Variants in F2 observed in about 807,000 individuals in gnomAD.
F2 encodes the protein coagulation factor II, thrombin.
Under a neutral mutation model 81.9 loss-of-function variants are expected in F2, and 34 were observed. The ratio of observed to expected loss-of-function variants is 0.42; its 90% CI spans 0.32 to 0.55. The LOEUF (loss-of-function observed/expected upper bound fraction) is 0.55, where lower values mean the gene tolerates loss of function less well. F2 is among the 20% of genes least tolerant of loss of function. F2 has a pLI of 0.18. For synonymous variants in F2, 296 were observed against 326.4 expected (o/e 0.91, Z 1.01); for missense variants, 630 against 833.4 (o/e 0.76, Z 3.00).
Position 46,719,481 on chromosome 11 carries a change from G to C in F2, c.79+167G>C. ...AGGAGCTCAGGGCTGGAAAGAGAAT[G>C]GCTGCTTCTCTCTTCCAATATAGGG... On this transcript the variant is annotated intron_variant, in intron 1 of 13. Coordinates refer to ENST00000311907, the MANE Select transcript of F2 (RefSeq NM_000506.5). The surrounding 1 kb of genome is among the most constrained non-coding windows in gnomAD (Gnocchi z 4.7). The C allele has an allele frequency of 2.0e-6, 2 of 978,418 alleles. No individual in the cohort carries two copies. The highest frequency in any genetic ancestry group is 3.1e-6 in the Non-Finnish European group (2 of 640,686). 60.6% of individuals were successfully genotyped at this position (978,418 alleles called of 1,614,324 possible). A position where few individuals can be genotyped will look rare whatever the true frequency, so the allele number is the denominator to read the frequency against.
Position 46,723,595 on chromosome 11 carries a change from C to T in F2, c.559+77C>T, listed in dbSNP as rs1272166830. On this transcript the variant is annotated intron_variant, in intron 6 of 13. Transcript: ENST00000311907. This position sits in a 1 kb window ranked among gnomAD's most constrained non-coding sequence, Gnocchi z 5.6. ...GGGCCTGGCAGCCTGGGATGGGAAC[C>T]AAGAATACTGGCTACCCAGGCACAG... 3.3e-6 allele frequency: 5 copies of T among 1,519,928 alleles called. No homozygotes were observed. The highest frequency in any genetic ancestry group is 4.5e-6 in the Non-Finnish European group (5 of 1,120,624). The allele number at this position is 1,519,928 out of a possible 1,614,324, so 94.2% of individuals were successfully genotyped here.
intron 12 of F2, among the ~76,000 whole-genome samples, chr11:46,736,523 C>G (rs1337032572): frequency 1.3e-5 from 2 of 152,052 alleles, no homozygotes; most frequent in Admixed American, 1.3e-4. Flanking sequence ...GTCTCGAACT[C>G]CTGGGCTCAA....
chr11:46,725,733 C>G, intron 6 of F2, 126 bp from the exon 7 acceptor site: 1 of 1,100,560 alleles, frequency 9.1e-7, no homozygotes, highest in Non-Finnish European at 1.4e-6. Context: ...GTCAGAAGCC[C>G]AGAGAGGTTA....
chr11:46,723,094 C>A lies in F2; in HGVS notation c.317-86C>A. ...GTTCAGGATTGTGGACCTGCATGAG[C>A]TGGGAGGTGGGGGATAGACAACTTT... is the stretch of plus-strand genomic sequence containing the variant. On this transcript the variant is annotated intron_variant, in intron 4 of 13. Coordinates refer to ENST00000311907, the MANE Select transcript of F2 (RefSeq NM_000506.5). The surrounding 1 kb of genome is among the most constrained non-coding windows in gnomAD (Gnocchi z 5.6). 9.0e-7 allele frequency: 1 copy of A among 1,109,782 alleles called. No homozygotes were observed. 68.7% of individuals were successfully genotyped at this position (1,109,782 alleles called of 1,614,324 possible).
In F2 at chr11:46,726,658, G is replaced by GATGCGGGT; in HGVS notation, c.1003+32_1003+33insATGCGGGT. The GATGCGGGT allele has an allele frequency of 6.8e-6, 11 of 1,613,704 alleles. No individual in the cohort carries two copies. Among genetic ancestry groups the GATGCGGGT allele is most frequent in the Non-Finnish European group, 9.3e-6 (11 of 1,179,572 alleles). ...TAGTGGGCATCCGAGGGGATGCGGG[G>GATGCGGGT]CTGCGGGGCTGGTGGCCAGGACTTG... On this transcript the variant is annotated intron_variant, in intron 8 of 13. Transcript: ENST00000311907. The surrounding 1 kb of genome is among the most constrained non-coding windows in gnomAD (Gnocchi z 5.9).
Position 46,723,492 on chromosome 11 carries a change from G to T in F2, c.533G>T (p.Arg178Met), listed in dbSNP as rs2134528259. The change falls in exon 6 of 14, where the codon AGG becomes ATG. Residue 178 changes from arginine to methionine, a missense_variant. Transcript: ENST00000311907. This position sits in a 1 kb window ranked among gnomAD's most constrained non-coding sequence, Gnocchi z 5.6. Reference protein sequence around the residue: ...WCYTTDPTVRRQECSIPVCGQ... With the variant: ...WCYTTDPTVRMQECSIPVCGQ... Reference sequence around the variant, plus strand: ...TACACTACAGACCCCACCGTGAGGAGGCAGGAATGCAGCATCCCTGTCTGT... The same window carrying T: ...TACACTACAGACCCCACCGTGAGGATGCAGGAATGCAGCATCCCTGTCTGT... The T allele has an allele frequency of 1.2e-6, 2 of 1,613,916 alleles. No homozygotes were observed. The highest frequency in any genetic ancestry group is 1.7e-6 in the Non-Finnish European group (2 of 1,179,920).
chr11:46,720,617 G>T (rs1224159124), intron 3 of F2, 70 bp downstream of exon 3: 10 of 1,591,664 alleles, frequency 6.3e-6, no homozygotes, highest in East Asian at 2.2e-5. Context: ...TCTACCCAGA[G>T]AATCTTCTGC....
chr11:46,719,936 A>G lies in F2; in HGVS notation c.240+74A>G. 6.6e-7 allele frequency: 1 copy of G among 1,523,656 alleles called. No individual in the cohort carries two copies. The highest frequency in any genetic ancestry group is 1.4e-5 in the African/African-American group (1 of 72,784). The allele number at this position is 1,523,656 out of a possible 1,614,324, so 94.4% of individuals were successfully genotyped here. On this transcript the variant is annotated intron_variant, in intron 2 of 13. Transcript: ENST00000311907. This position sits in a 1 kb window ranked among gnomAD's most constrained non-coding sequence, Gnocchi z 4.7. ...CTCTAGACACTTCCACAGAGAAGCA[A>G]GCGAGGAACGCCACAGCCCCTTCGC...
rs1361766713 is a variant in F2 at position 46,729,505 on chromosome 11, G to T, written c.1598G>T (p.Arg533Leu). ...GTGGTGAACCTGCCCATTGTGGAGC[G>T]GCCGGTCTGCAAGGACTCCACCCGG... Reference protein sequence around the residue: ...LQVVNLPIVERPVCKDSTRIR... With the variant: ...LQVVNLPIVELPVCKDSTRIR... Residue 533 changes from arginine (R) to leucine (L), a missense_variant, in exon 12 of 14, where the codon CGG becomes CTG. Arg to Leu is a moderately radical substitution (Grantham distance 102). Transcript: ENST00000311907. 2.5e-6 allele frequency: 4 copies of T among 1,614,036 alleles called. No homozygotes were observed.
rs769969150 is a variant in F2, at chr11:46,723,539, C to T, written c.559+21C>T. 11 of 1,598,708 alleles carry T rather than the reference C, an allele frequency of 6.9e-6. No homozygotes were observed. The highest frequency in any genetic ancestry group is 3.5e-5 in the Admixed American group (2 of 56,840). On this transcript the variant is annotated intron_variant, in intron 6 of 13. Coordinates refer to ENST00000311907, the MANE Select transcript of F2 (RefSeq NM_000506.5). This position sits in a 1 kb window ranked among gnomAD's most constrained non-coding sequence, Gnocchi z 5.6. Reference sequence around the variant, plus strand: ...CTGTGGTAAGCTGGGGGCAGTGGGGCGGCCCATGGCCAAGGCCCGGGGGCT... The same window carrying T: ...CTGTGGTAAGCTGGGGGCAGTGGGGTGGCCCATGGCCAAGGCCCGGGGGCT...
chr11:46,739,146 G>A (rs371523078), intron 13 of F2, 28 bp downstream of exon 13: 75 of 1,613,582 alleles, frequency 4.6e-5, no homozygotes, highest in Non-Finnish European at 3.0e-5. Context: ...CCAGGGCCTG[G>A]TGAACACATC....
Position 46,726,097 on chromosome 11 carries a change from C to T in F2, c.798C>T (p.Asp266=), listed in dbSNP as rs138260543. ...QLVENFCRNP[D]GDEEGVWCYV... ...TGGAGAACTTCTGCCGCAACCCAGA[C>T]GGGGATGAGGAGGGCGTGTGGTGCT... The change falls in exon 7 of 14, where the codon GAC becomes GAT. Residue 266 remains aspartate (D), a synonymous_variant. Transcript: ENST00000311907. This position sits in a 1 kb window ranked among gnomAD's most constrained non-coding sequence, Gnocchi z 5.9. 3.7e-4 allele frequency: 601 copies of T among 1,614,182 alleles called. 5 individuals are homozygous for T. Among genetic ancestry groups the T allele is most frequent in the South Asian group, 3.3e-3 (300 of 91,086 alleles).
chr11:46,719,956 C>T lies in F2; in HGVS notation c.240+94C>T, dbSNP rs1281815436. 1 of 1,472,922 alleles carries T rather than the reference C, an allele frequency of 6.8e-7. No individual in the cohort carries two copies. Among genetic ancestry groups the T allele is most frequent in the African/African-American group, 1.4e-5 (1 of 71,796 alleles). The allele number at this position is 1,472,922 out of a possible 1,614,324, so 91.2% of individuals were successfully genotyped here. A position where few individuals can be genotyped will look rare whatever the true frequency, so the allele number is the denominator to read the frequency against. ...AAGCAAGCGAGGAACGCCACAGCCCCTTCGCTGCTCACAGCCTCATTTCAA... is the reference window on the plus strand; with the variant it reads ...AAGCAAGCGAGGAACGCCACAGCCCTTTCGCTGCTCACAGCCTCATTTCAA... On this transcript the variant is annotated intron_variant, in intron 2 of 13. Coordinates refer to ENST00000311907, the MANE Select transcript of F2 (RefSeq NM_000506.5). This position sits in a 1 kb window ranked among gnomAD's most constrained non-coding sequence, Gnocchi z 4.7.
In F2 at chr11:46,723,436, C is replaced by T. The variant is rs568347016; in HGVS notation, c.477C>T (p.Asn159=). ...ACCTACAGGAGAATTTCTGCCGCAA[C>T]CCCGACAGCAGCACCACGGGACCCT... ...GADLQENFCR[N]PDSSTTGPWC... The change falls in exon 6 of 14, where the codon AAC becomes AAT. Residue 159 remains asparagine (N), a synonymous_variant. Coordinates refer to ENST00000311907, the MANE Select transcript of F2 (RefSeq NM_000506.5). The surrounding 1 kb of genome is among the most constrained non-coding windows in gnomAD (Gnocchi z 5.6). 1.2e-6 allele frequency: 2 copies of T among 1,614,134 alleles called. No homozygotes were observed. Among genetic ancestry groups the T allele is most frequent in the East Asian group, 2.2e-5 (1 of 44,864 alleles).
At chr11:46,725,760 A>G (rs1279785641) in intron 6 of F2, 99 bp from the exon 7 acceptor site, 11 of 1,374,082 alleles carry the variant, frequency 8.0e-6, no homozygotes, top group Non-Finnish European at 5.2e-6. Flanking sequence ...CTGAGGTCAC[A>G]CAGGCAGAAA....
chr11:46,731,328 G>T (rs1341343415), intron 12 of F2, among the ~76,000 whole-genome samples: 1 of 150,056 alleles, frequency 6.7e-6, no homozygotes, highest in Non-Finnish European at 1.5e-5. Context: ...CTGCCACCAC[G>T]CCCGGCTAAC....
At chr11:46,725,449 C>T (rs1263309172) in intron 6 of F2, among the ~76,000 whole-genome samples, 3 of 152,116 alleles carry the variant, frequency 2.0e-5, no homozygotes, top group African/African-American at 7.2e-5. Flanking sequence ...CACGCACACA[C>T]ATTGATGATA....
At position 46,739,389 on chromosome 11, in the gene F2, T is replaced by A; in HGVS notation, c.1850T>A (p.Ile617Asn). Residue 617 changes from isoleucine (I) to asparagine (N), a missense_variant, in exon 14 of 14, where the codon ATT (isoleucine) becomes AAT (asparagine). Transcript: ENST00000311907. ...CTGAAGAAGTGGATACAGAAGGTCA[T>A]TGATCAGTTTGGAGAGTAGGGGGCC... is the stretch of plus-strand genomic sequence containing the variant. The part of the protein sequence containing the change: ...FRLKKWIQKV[I>N]DQFGE The A allele has an allele frequency of 6.2e-7, 1 of 1,614,118 alleles. No individual in the cohort carries two copies. Among genetic ancestry groups the A allele is most frequent in the Non-Finnish European group, 8.5e-7 (1 of 1,180,016 alleles).
Position 46,729,360 on chromosome 11 carries a change from C to T in F2, c.1473-20C>T, listed in dbSNP as rs538049599. On this transcript the variant is annotated intron_variant, in intron 11 of 13. Transcript: ENST00000311907. Reference sequence around the variant, plus strand: ...CCTGTGGGGGTTGGCTCTCACTAGGCCCTTCTTCCTTCCCCAAAGCTTGCT... The same window carrying T: ...CCTGTGGGGGTTGGCTCTCACTAGGTCCTTCTTCCTTCCCCAAAGCTTGCT... 24 of 1,611,960 alleles carry T rather than the reference C, an allele frequency of 1.5e-5. No homozygotes were observed. The East Asian group carries it at 4.9e-4, about 33-fold the overall frequency.
Sources: allele counts gnomAD v4.1 joint callset (sites outside exome capture counted in the v4.1 genomes callset), GRCh38; gene constraint gnomAD v4.1.1; non-coding constraint Gnocchi (gnomAD v3.1); transcripts MANE v1.5; gene names NCBI Gene and HGNC (gene_info 2026-07-23, HGNC 2026-07-21).